The following FBLN1 variants were observed in gnomAD, a reference collection of about 807,000 sequenced individuals.
FBLN1 encodes the protein fibulin-1.
FBLN1 carries 34 observed loss-of-function variants against 89.7 expected under a neutral mutation model. The observed-to-expected ratio is 0.38, with a 90% confidence interval of 0.29 to 0.50. FBLN1 has a LOEUF of 0.50. Ranked by LOEUF, FBLN1 falls within the 20% of genes least tolerant of loss-of-function variation. The pLI, the probability that FBLN1 is intolerant of heterozygous loss-of-function variation, is 0.92. For missense variants in FBLN1, 777 were observed against 988.1 expected (o/e 0.79, Z 2.86); for synonymous variants, 393 against 391.3 (o/e 1.00, Z -0.05).
At chr22:45,570,437 GAAGT>G (rs2088943876) in intron 14 of FBLN1, among the ~76,000 whole-genome samples, 2 of 149,986 alleles carry the variant, frequency 1.3e-5, no homozygotes, top group Admixed American at 6.6e-5. Flanking sequence ...ACTGAGAAAT[GAAGT>G]AATAGACCAA....
chr22:45,596,716 T>G (rs1354230742), intron 16 of FBLN1, among the ~76,000 whole-genome samples: 2 of 147,758 alleles, frequency 1.4e-5, no homozygotes, highest in Admixed American at 6.8e-5. Flanking sequence ...TGTTTATATT[T>G]TATATATAAA....
Position 45,576,755 on chromosome 22 carries a change from C to T in FBLN1, c.1841-222C>T, listed in dbSNP as rs913475588. Reference sequence around the variant, plus strand: ...GAGGAAGATCCAAAATCTCTCCTGACTTCAGTTTCCCCTGCTATAAAACAG... The same window carrying T: ...GAGGAAGATCCAAAATCTCTCCTGATTTCAGTTTCCCCTGCTATAAAACAG... On this transcript the variant is annotated intron_variant, in intron 15 of 16. Transcript: ENST00000327858. The surrounding 1 kb of genome is among the most constrained non-coding windows in gnomAD (Gnocchi z 5.2). Among the ~76,000 whole-genome samples, 2 of 152,214 alleles carry T rather than the reference C, an allele frequency of 1.3e-5. No individual in the cohort carries two copies.
rs1053011195 is a variant in FBLN1, at chr22:45,532,077, C to T, written c.544+753C>T. Among the ~76,000 whole-genome samples the T allele has an allele frequency of 2.0e-5, 3 of 152,200 alleles. No homozygotes were observed. The highest frequency in any genetic ancestry group is 7.2e-5 in the African/African-American group (3 of 41,438). On this transcript the variant is annotated intron_variant, in intron 5 of 16. Coordinates refer to ENST00000327858, the MANE Select transcript of FBLN1 (RefSeq NM_006486.3). The surrounding 1 kb of genome is among the most constrained non-coding windows in gnomAD (Gnocchi z 4.2). ...TGGCATGTCTAGACCTGCAGATCTGCCTCACAAGCTCTTTCAGTGGTTCCC... is the reference window on the plus strand; with the variant it reads ...TGGCATGTCTAGACCTGCAGATCTGTCTCACAAGCTCTTTCAGTGGTTCCC...
Position 45,502,992 on chromosome 22 carries a change from C to A in FBLN1, c.7C>A (p.Arg3Ser). The change falls in exon 1 of 17, where the codon CGC (arginine) becomes AGC (serine). Residue 3 changes from arginine to serine, a missense_variant. Arg to Ser is a moderately radical substitution (Grantham distance 110). Coordinates refer to ENST00000327858, the MANE Select transcript of FBLN1 (RefSeq NM_006486.3). The part of the protein sequence containing the change: ME[R>S]AAPSRRVPLP... ...CGCCCGTCGCCCGCCGCCCATGGAG[C>A]GCGCCGCGCCGTCGCGCCGGGTCCC... is the stretch of plus-strand genomic sequence containing the variant. 2.5e-6 allele frequency: 3 copies of A among 1,214,258 alleles called. No individual in the cohort carries two copies. Among genetic ancestry groups the A allele is most frequent in the Non-Finnish European group, 3.1e-6 (3 of 976,822 alleles). 75.2% of individuals were successfully genotyped at this position (1,214,258 alleles called of 1,614,324 possible). A position where few individuals can be genotyped will look rare whatever the true frequency, so the allele number is the denominator to read the frequency against.
At chr22:45,571,332 G>A (rs1350839461) in intron 14 of FBLN1, among the ~76,000 whole-genome samples, 1 of 152,148 alleles carries the variant, frequency 6.6e-6, no homozygotes, top group Non-Finnish European at 1.5e-5. Context: ...TGACTTTCAT[G>A]TGCAAAAAGC....
chr22:45,550,790 G>C lies in FBLN1; in HGVS notation c.1697+175G>C. The C allele has an allele frequency of 2.3e-6, 2 of 878,674 alleles. No homozygotes were observed. Among genetic ancestry groups the C allele is most frequent in the Non-Finnish European group, 3.7e-6 (2 of 544,346 alleles). The allele number at this position is 878,674 out of a possible 1,614,324, so 54.4% of individuals were successfully genotyped here. The stretch of plus-strand genomic sequence containing the variant: ...AAGCCCCTAAATGCTAGTGACACTG[G>C]TCTCGGAAAGTCAAGGGGGTAACTG... On this transcript the variant is annotated intron_variant, in intron 14 of 16. Coordinates refer to ENST00000327858, the MANE Select transcript of FBLN1 (RefSeq NM_006486.3). The surrounding 1 kb of genome is among the most constrained non-coding windows in gnomAD (Gnocchi z 8.4).
chr22:45,592,829 C>T (rs2089150731), intron 16 of FBLN1, among the ~76,000 whole-genome samples: 1 of 152,192 alleles, frequency 6.6e-6, no homozygotes, highest in Non-Finnish European at 1.5e-5. Context: ...ACCTTGTCCA[C>T]ACAGCCCTAC....
rs995773049 is a variant in FBLN1, at chr22:45,530,593, A to G, written c.485-672A>G. On this transcript the variant is annotated intron_variant, in intron 4 of 16. Transcript: ENST00000327858. This position sits in a 1 kb window ranked among gnomAD's most constrained non-coding sequence, Gnocchi z 5.4. ...ATAGCATTTGATAGAATCAATCAGG[A>G]GACTCAAGTTTTTACTGCGTGCATT... is the stretch of plus-strand genomic sequence containing the variant. 5.3e-5 allele frequency among the ~76,000 whole-genome samples: 8 copies of G among 152,150 alleles called. No homozygotes were observed. Among genetic ancestry groups the G allele is most frequent in the African/African-American group, 1.9e-4 (8 of 41,430 alleles).
At chr22:45,523,256 G>C in intron 2 of FBLN1, 1 of 716,480 alleles carries the variant, frequency 1.4e-6, no homozygotes, top group East Asian at 2.5e-5. Flanking sequence ...GCAACGGCCA[G>C]TCCCAGGGAG....
At position 45,541,363 on chromosome 22, in the gene FBLN1, C is replaced by G; in HGVS notation, c.1057C>G (p.Arg353Gly). 1 of 1,614,228 alleles carries G rather than the reference C, an allele frequency of 6.2e-7. No individual in the cohort carries two copies. The highest frequency in any genetic ancestry group is 8.5e-7 in the Non-Finnish European group (1 of 1,180,028). The stretch of plus-strand genomic sequence containing the variant: ...CTACCATCTCAACGAGGAGGGAACG[C>G]GCTGTGTTGGTTGGTATTAAGAAAA... ...RGYHLNEEGT[R>G]CVDVDECAPP... is the part of the protein sequence containing the mutation. Residue 353 changes from arginine to glycine, a missense_variant, in exon 9 of 17, where the codon CGC (arginine) becomes GGC (glycine). Arg to Gly is a moderately radical substitution (Grantham distance 125). Transcript: ENST00000327858.
chr22:45,540,718 A>G (rs892186004), intron 8 of FBLN1, among the ~76,000 whole-genome samples: 4 of 152,206 alleles, frequency 2.6e-5, no homozygotes, highest in African/African-American at 4.8e-5. Flanking sequence ...TAAATGCCCC[A>G]CGGTCCCCAT....
intron 11 of FBLN1, 117 bp downstream of exon 11, chr22:45,543,643 T>C: frequency 7.4e-7 from 1 of 1,344,512 alleles, no homozygotes; most frequent in South Asian, 1.3e-5. Flanking sequence ...AAATGACATG[T>C]TAGCAGGGGA....
intron 2 of FBLN1, 138 bp from the exon 3 acceptor site, chr22:45,525,405 C>A (rs1443251038): frequency 2.6e-5 from 20 of 772,140 alleles, no homozygotes; most frequent in Non-Finnish European, 3.8e-5. Context: ...GCCACTGGGG[C>A]ACTGTGTATT....
In FBLN1 at chr22:45,577,195, A is replaced by G; in HGVS notation, c.1972+87A>G. ...TCTGGCCCAGCCCAACTCCCATCTG[A>G]GTCCCCTCCCCAAATTCAAGCCCAC... On this transcript the variant is annotated intron_variant, in intron 16 of 16. Coordinates refer to ENST00000327858, the MANE Select transcript of FBLN1 (RefSeq NM_006486.3). This position sits in a 1 kb window ranked among gnomAD's most constrained non-coding sequence, Gnocchi z 6.6. 6.8e-7 allele frequency: 1 copy of G among 1,473,464 alleles called. No homozygotes were observed. The highest frequency in any genetic ancestry group is 9.4e-7 in the Non-Finnish European group (1 of 1,066,474). 91.3% of individuals were successfully genotyped at this position (1,473,464 alleles called of 1,614,324 possible). A position where few individuals can be genotyped will look rare whatever the true frequency, so the allele number is the denominator to read the frequency against.
intron 4 of FBLN1, among the ~76,000 whole-genome samples, chr22:45,528,378 C>G (rs548325724): frequency 6.6e-6 from 1 of 151,996 alleles, no homozygotes; most frequent in African/African-American, 2.4e-5. Context: ...CTCTCTCTGT[C>G]ACCCAGGCTG....
chr22:45,550,460 C>G lies in FBLN1; in HGVS notation c.1574-32C>G. 6.2e-7 allele frequency: 1 copy of G among 1,613,594 alleles called. No individual in the cohort carries two copies. ...ATGGGTATGGCTCCTGCAGCCTCTG[C>G]CTTCACTGTGCTGCTGTGGGGTCTC... On this transcript the variant is annotated intron_variant, in intron 13 of 16. Coordinates refer to ENST00000327858, the MANE Select transcript of FBLN1 (RefSeq NM_006486.3). This position sits in a 1 kb window ranked among gnomAD's most constrained non-coding sequence, Gnocchi z 8.4.
intron 3 of FBLN1, among the ~76,000 whole-genome samples, chr22:45,526,462 C>G (rs968790537): frequency 7.2e-5 from 11 of 152,348 alleles, no homozygotes; most frequent in Middle Eastern, 6.8e-3. Context: ...CCAGGAGGAA[C>G]TTGGGCCTGG....
intron 8 of FBLN1, among the ~76,000 whole-genome samples, chr22:45,540,973 C>T (rs546702087): frequency 7.2e-5 from 11 of 152,302 alleles, no homozygotes; most frequent in East Asian, 5.8e-4. Context: ...CCCGATTTGG[C>T]GCAGCGAACG....
intron 16 of FBLN1, among the ~76,000 whole-genome samples, chr22:45,592,069 G>A (rs532669158): frequency 6.6e-6 from 1 of 152,336 alleles, no homozygotes; most frequent in East Asian, 1.9e-4. Context: ...GGGCTCTGAG[G>A]TCAGTCCCCG....
Sources: gnomAD v4.1 joint callset for allele counts (sites outside exome capture counted in the v4.1 genomes callset) on GRCh38, gnomAD v4.1.1 for gene constraint, Gnocchi (gnomAD v3.1) non-coding constraint, MANE v1.5 for transcripts, NCBI Gene and HGNC (gene_info 2026-07-23, HGNC 2026-07-21) for gene names.